ZHX1: variants seen among roughly 807,000 people sequenced by gnomAD.
ZHX1 encodes zinc fingers and homeoboxes protein 1.
A neutral mutation model predicts 61.8 loss-of-function variants in ZHX1; 20 were observed. The observed-to-expected ratio is 0.32, with a 90% CI of 0.23 to 0.47. ZHX1 has a LOEUF of 0.47. ZHX1 is among the 20% of genes least tolerant of loss of function. ZHX1 has a pLI of 1.00. For missense variants in ZHX1, 800 were observed against 1,034.8 expected, an observed-to-expected ratio of 0.77 and a Z score of 3.11; for synonymous variants, 318 against 352.6, an observed-to-expected ratio of 0.90 and a Z score of 1.10.
At position 123,255,216 on chromosome 8, in the gene ZHX1, G is replaced by C. The variant is rs1364231140; in HGVS notation, c.731C>G (p.Pro244Arg). 1 of 1,614,150 alleles carries C rather than the reference G, an allele frequency of 6.2e-7. No homozygotes were observed. Among genetic ancestry groups the C allele is most frequent in the Non-Finnish European group, 8.5e-7 (1 of 1,180,014 alleles). ...TSTSIVNRIHPSTASTVVTPA... is the reference protein window; with the variant it reads ...TSTSIVNRIHRSTASTVVTPA... ...TGTCACTACCGTGCTGGCAGTACTT[G>C]GATGTATTCTGTTTACAATGGAAGT... is the stretch of plus-strand genomic sequence containing the variant. The change falls in exon 3 of 4, where the codon CCA becomes CGA. Residue 244 changes from proline to arginine, a missense_variant. Physicochemically the swap from Pro to Arg is moderately radical, Grantham distance 103 (BLOSUM62 -2). Coordinates refer to ENST00000395571, the MANE Select transcript of ZHX1 (RefSeq NM_007222.5).
intron 2 of ZHX1, among the ~76,000 whole-genome samples, chr8:123,258,838 T>A (rs1826157974): frequency 6.6e-6 from 1 of 152,210 alleles, no homozygotes; most frequent in Non-Finnish European, 1.5e-5. Flanking sequence ...GTAAAGTTTG[T>A]GTTTCTGAAG....
chr8:123,265,183 C>CT (rs1389118484), intron 2 of ZHX1, among the ~76,000 whole-genome samples: 1 of 141,716 alleles, frequency 7.1e-6, no homozygotes, highest in East Asian at 2.0e-4. Context: ...GAGCACAACT[C>CT]TGTCTCAAAA....
rs1350367334 is a variant in ZHX1, at chr8:123,255,004, T to C, written c.943A>G (p.Thr315Ala). ...TATTTTGCTTGAGCAGAAAGAACTGTAATTTCTGACATTGTTGGGTAAGGG... is the reference window on the plus strand; with the variant it reads ...TATTTTGCTTGAGCAGAAAGAACTGCAATTTCTGACATTGTTGGGTAAGGG... ...KFPYPTMSEI[T>A]VLSAQAKYTE... Residue 315 changes from threonine (T) to alanine (A), a missense_variant, in exon 3 of 4, where the codon ACA (threonine) becomes GCA (alanine). Physicochemically the swap from Thr to Ala is moderately conservative, Grantham distance 58 (BLOSUM62 0). Transcript: ENST00000395571. 1.2e-6 allele frequency: 2 copies of C among 1,614,200 alleles called. No homozygotes were observed. Among genetic ancestry groups the C allele is most frequent in the East Asian group, 4.5e-5 (2 of 44,888 alleles).
Position 123,249,792 on chromosome 8 carries a change from A to C in ZHX1, c.*532T>G, listed in dbSNP as rs1214787518. On this transcript the variant is annotated 3_prime_UTR_variant, in exon 4 of 4. Transcript: ENST00000395571. ...TGTATAAGCCCATGCACAACTTTTA[A>C]TCTTAGTGCAGGGTCTGATAAATAA... 1 of 150,860 alleles carries C rather than the reference A, an allele frequency of 6.6e-6. No homozygotes were observed. Among genetic ancestry groups the C allele is most frequent in the Non-Finnish European group, 1.5e-5 (1 of 67,942 alleles). 9.3% of individuals were successfully genotyped at this position (150,860 alleles called of 1,614,324 possible).
Position 123,254,444 on chromosome 8 carries a change from T to G in ZHX1, c.1503A>C (p.Thr501=). 6.2e-7 allele frequency: 1 copy of G among 1,614,188 alleles called. No homozygotes were observed. Among genetic ancestry groups the G allele is most frequent in the Non-Finnish European group, 8.5e-7 (1 of 1,180,006 alleles). The part of the protein sequence containing the change: ...DSEIIRLMKI[T]GLTKGEIKKW... Reference sequence around the variant, plus strand: ...TTTTAATCTCTCCTTTCGTCAGGCCTGTTATTTTCATAAGTCTGATAATTT... The same window carrying G: ...TTTTAATCTCTCCTTTCGTCAGGCCGGTTATTTTCATAAGTCTGATAATTT... Residue 501 remains threonine (T), a synonymous_variant, in exon 3 of 4, where the codon ACA becomes ACC. Coordinates refer to ENST00000395571, the MANE Select transcript of ZHX1 (RefSeq NM_007222.5). This position sits in a 1 kb window ranked among gnomAD's most constrained non-coding sequence, Gnocchi z 4.1.
chr8:123,272,539 G>A, intron 1 of ZHX1, among the ~76,000 whole-genome samples: 1 of 152,158 alleles, frequency 6.6e-6, no homozygotes, highest in East Asian at 1.9e-4. Flanking sequence ...TAATCGATGG[G>A]TATACTAGGG....
At chr8:123,258,149 G>C (rs1826133406) in intron 2 of ZHX1, among the ~76,000 whole-genome samples, 2 of 152,212 alleles carry the variant, frequency 1.3e-5, no homozygotes, top group Non-Finnish European at 2.9e-5. Context: ...CTCATCAACA[G>C]TTTGGTGCTG....
intron 1 of ZHX1, among the ~76,000 whole-genome samples, chr8:123,270,664 T>C (rs1826620371): frequency 6.6e-6 from 1 of 151,242 alleles, no homozygotes. Context: ...CACATGACTG[T>C]AGTCCTAGCT....
chr8:123,271,014 T>A (rs1826635298), intron 1 of ZHX1, among the ~76,000 whole-genome samples: 1 of 152,158 alleles, frequency 6.6e-6, no homozygotes, highest in Non-Finnish European at 1.5e-5. Flanking sequence ...ATATTTACTT[T>A]AAGAATATCC....
At chr8:123,251,583 T>C (rs1160049234) in intron 3 of ZHX1, among the ~76,000 whole-genome samples, 1 of 152,164 alleles carries the variant, frequency 6.6e-6, no homozygotes, top group East Asian at 1.9e-4. Flanking sequence ...ATTGCAGAGG[T>C]TACAACAACA....
intron 2 of ZHX1, among the ~76,000 whole-genome samples, chr8:123,265,527 T>TA (rs895763166): frequency 2.5e-4 from 38 of 152,026 alleles, no homozygotes; most frequent in African/African-American, 8.2e-4. Flanking sequence ...TCCACCGTGT[T>TA]AAAAAAAATA....
chr8:123,258,316 G>A, intron 2 of ZHX1, among the ~76,000 whole-genome samples: 1 of 152,298 alleles, frequency 6.6e-6, no homozygotes, highest in East Asian at 1.9e-4. Flanking sequence ...ATGAGTGGAA[G>A]CTGCCTGAGG....
Position 123,254,354 on chromosome 8 carries a change from G to T in ZHX1, c.1593C>A (p.Asn531Lys), listed in dbSNP as rs1826006768. The T allele has an allele frequency of 6.2e-7, 1 of 1,613,974 alleles. No homozygotes were observed. The highest frequency in any genetic ancestry group is 1.1e-5 in the South Asian group (1 of 91,070). The part of the protein sequence containing the change: ...NSKSNQCLHL[N>K]NDSSTTIIID... ...TAATAATGGTGGTAGAGGAATCATT[G>T]TTGAGATGTAAGCACTGATTACTCT... Residue 531 changes from asparagine to lysine, a missense_variant, in exon 3 of 4, where the codon AAC becomes AAA. Asn to Lys is a moderately conservative substitution (Grantham distance 94, BLOSUM62 0). Coordinates refer to ENST00000395571, the MANE Select transcript of ZHX1 (RefSeq NM_007222.5). This position sits in a 1 kb window ranked among gnomAD's most constrained non-coding sequence, Gnocchi z 4.1.
At chr8:123,265,261 C>T (rs1450406377) in intron 2 of ZHX1, among the ~76,000 whole-genome samples, 1 of 150,172 alleles carries the variant, frequency 6.7e-6, no homozygotes, top group Non-Finnish European at 1.5e-5. Context: ...GATGTAGCAT[C>T]AAAAATAAAA....
At chr8:123,267,109 T>C (rs577562975) in intron 2 of ZHX1, among the ~76,000 whole-genome samples, 164 bp downstream of exon 2, 1 of 152,218 alleles carries the variant, frequency 6.6e-6, no homozygotes, top group East Asian at 1.9e-4. Flanking sequence ...CCTATACTTA[T>C]AGCTCTTAAA....
chr8:123,260,160 A>C (rs1826202207), intron 2 of ZHX1, among the ~76,000 whole-genome samples: 1 of 151,720 alleles, frequency 6.6e-6, no homozygotes, highest in East Asian at 1.9e-4. Context: ...TCTGTCTCAA[A>C]AAAAGAAAAA....
At position 123,254,939 on chromosome 8, in the gene ZHX1, A is replaced by C. The variant is rs935105308; in HGVS notation, c.1008T>G (p.Arg336=). The part of the protein sequence containing the change: ...EQIKIWFSAQ[R]LKHGVSWTPE... Reference sequence around the variant, plus strand: ...GAGTCCAACTAACACCATGTTTTAAACGTTGGGCTGAAAACCATATCTTGA... The same window carrying C: ...GAGTCCAACTAACACCATGTTTTAACCGTTGGGCTGAAAACCATATCTTGA... The change falls in exon 3 of 4, where the codon CGT becomes CGG. Residue 336 remains arginine, a synonymous_variant. Transcript: ENST00000395571. This position sits in a 1 kb window ranked among gnomAD's most constrained non-coding sequence, Gnocchi z 4.1. 1 of 1,614,174 alleles carries C rather than the reference A, an allele frequency of 6.2e-7. No homozygotes were observed. Among genetic ancestry groups the C allele is most frequent in the East Asian group, 2.2e-5 (1 of 44,888 alleles).
chr8:123,267,562 C>T (rs2131220307), intron 1 of ZHX1, among the ~76,000 whole-genome samples, 176 bp from the exon 2 acceptor site: 1 of 151,968 alleles, frequency 6.6e-6, no homozygotes, highest in East Asian at 1.9e-4. Context: ...TGGTAGTAAA[C>T]ACAAAAACTA....
intron 2 of ZHX1, among the ~76,000 whole-genome samples, chr8:123,265,052 C>T (rs973590880): frequency 1.3e-5 from 2 of 151,052 alleles, no homozygotes; most frequent in South Asian, 2.1e-4. Context: ...AGCCCGGCGT[C>T]GTGGCGTGCA....
Sources: allele counts gnomAD v4.1 joint callset (sites outside exome capture counted in the v4.1 genomes callset), GRCh38; gene constraint gnomAD v4.1.1; non-coding constraint Gnocchi (gnomAD v3.1); transcripts MANE v1.5; gene names NCBI Gene and HGNC (gene_info 2026-07-23, HGNC 2026-07-21).